Variants in GCNT1 observed in about 807,000 individuals in gnomAD.
GCNT1 encodes the protein glucosaminyl (N-acetyl) transferase 1.
In GCNT1, 16 loss-of-function variants were observed where a neutral mutation model predicts 26.2. The observed-to-expected ratio is 0.61, with a 90% CI of 0.41 to 0.93. The LOEUF (loss-of-function observed/expected upper bound fraction) is 0.93. GCNT1 is among the 40% of genes least tolerant of loss of function. The pLI, the probability that GCNT1 is intolerant of heterozygous loss-of-function variation, is 0.00. For synonymous variants in GCNT1, 183 were observed against 190.8 expected, an observed-to-expected ratio of 0.96 and a Z score of 0.34; for missense variants, 477 against 526.7, an observed-to-expected ratio of 0.91 and a Z score of 0.92.
chr9:76,471,832 C>G (rs891697776), intron 2 of GCNT1, among the ~76,000 whole-genome samples: 2 of 152,034 alleles, frequency 1.3e-5, no homozygotes, highest in African/African-American at 4.8e-5. Context: ...TATTTTGGGT[C>G]AAAATAAGAT....
intron 1 of GCNT1, among the ~76,000 whole-genome samples, chr9:76,450,948 T>A (rs1471248715): frequency 6.6e-6 from 1 of 152,208 alleles, no homozygotes; most frequent in African/African-American, 2.4e-5. Context: ...TTAAAAGGGA[T>A]CAACCTGTTT....
chr9:76,421,623 C>A (rs113463112), intron 1 of GCNT1, among the ~76,000 whole-genome samples: 5,916 of 80,006 alleles, frequency 0.074, 211 homozygotes, highest in Non-Finnish European at 0.091. Flanking sequence ...AAAAAAAAAA[C>A]CACAACAAAA....
chr9:76,464,191 A>G (rs112881651), intron 2 of GCNT1, among the ~76,000 whole-genome samples: 2 of 152,198 alleles, frequency 1.3e-5, no homozygotes, highest in African/African-American at 4.8e-5. Flanking sequence ...TTGGACTTTA[A>G]TGTCAGCATA....
chr9:76,484,365 G>A (rs563139346), intron 2 of GCNT1, among the ~76,000 whole-genome samples: 1 of 146,194 alleles, frequency 6.8e-6, no homozygotes, highest in South Asian at 2.1e-4. Flanking sequence ...TTGAGACCCT[G>A]TCTTAAAAAA....
In GCNT1 at chr9:76,507,167, CAA is replaced by C. The variant is rs993550892; in HGVS notation, c.*3500_*3501del. 1.7e-4 allele frequency: 29 copies of C among 166,950 alleles called. 1 individual carries two copies. The highest frequency in any genetic ancestry group is 1.7e-4 in the African/African-American group (7 of 41,426). 10.3% of individuals were successfully genotyped at this position (166,950 alleles called of 1,614,324 possible). The stretch of plus-strand genomic sequence containing the variant: ...TGAATACTGTTGTGAAAGTGAAAAA[CAA>C]TGATTGTATGGGTACTCAAAGTATA... On this transcript the variant is annotated 3_prime_UTR_variant, in exon 4 of 4. Coordinates refer to ENST00000376730, the MANE Select transcript of GCNT1 (RefSeq NM_001490.5).
intron 2 of GCNT1, among the ~76,000 whole-genome samples, chr9:76,497,165 G>T (rs947689612): frequency 6.6e-6 from 1 of 152,218 alleles, no homozygotes; most frequent in Non-Finnish European, 1.5e-5. Context: ...GGGCAGAGCA[G>T]TATTAACTAC....
At chr9:76,397,162 A>ATCCCAGC in the GCNT1 span, among the ~76,000 whole-genome samples, 1 of 152,148 alleles carries the variant, frequency 6.6e-6, no homozygotes, top group Non-Finnish European at 1.5e-5. Context: ...AATGCCAGTA[A>ATCCCAGC]TCCCAGCTAC....
chr9:76,505,542 T>C lies in GCNT1; in HGVS notation c.*1874T>C, dbSNP rs573517736. On this transcript the variant is annotated 3_prime_UTR_variant, in exon 4 of 4. Coordinates refer to ENST00000376730, the MANE Select transcript of GCNT1 (RefSeq NM_001490.5). ...TATAAGACAGGGCACCTTTTAACTCTAAAACTAGTGATACTCAGTGACATA... is the reference window on the plus strand; with the variant it reads ...TATAAGACAGGGCACCTTTTAACTCCAAAACTAGTGATACTCAGTGACATA... 6.0e-6 allele frequency: 1 copy of C among 166,802 alleles called. No homozygotes were observed. Among genetic ancestry groups the C allele is most frequent in the African/African-American group, 2.4e-5 (1 of 41,588 alleles). 10.3% of individuals were successfully genotyped at this position (166,802 alleles called of 1,614,324 possible).
Position 76,505,292 on chromosome 9 carries a change from C to A in GCNT1, c.*1624C>A, listed in dbSNP as rs569357218. Reference sequence around the variant, plus strand: ...TCTTATTGAGAGATATGTTTTTAAACTTTTATCATCATTTGTAAATGTGGA... The same window carrying A: ...TCTTATTGAGAGATATGTTTTTAAAATTTTATCATCATTTGTAAATGTGGA... On this transcript the variant is annotated 3_prime_UTR_variant, in exon 4 of 4. Transcript: ENST00000376730. The A allele has an allele frequency of 2.3e-4, 46 of 195,764 alleles. No individual in the cohort carries two copies. The highest frequency in any genetic ancestry group is 6.8e-4 in the Admixed American group (11 of 16,090). The allele number at this position is 195,764 out of a possible 1,614,324, so 12.1% of individuals were successfully genotyped here.
At chr9:76,417,271 C>A (rs1038784895), upstream of GCNT1, among the ~76,000 whole-genome samples, 1 of 152,126 alleles carries the variant, frequency 6.6e-6, no homozygotes, top group Non-Finnish European at 1.5e-5. Flanking sequence ...ATGCCATCTC[C>A]GCAGTAAATG....
Position 76,504,873 on chromosome 9 carries a change from T to C in GCNT1, c.*1205T>C, listed in dbSNP as rs966541007. 2 of 413,262 alleles carry C rather than the reference T, an allele frequency of 4.8e-6. No individual in the cohort carries two copies. Among genetic ancestry groups the C allele is most frequent in the African/African-American group, 4.1e-5 (2 of 48,618 alleles). The allele number at this position is 413,262 out of a possible 1,614,324, so 25.6% of individuals were successfully genotyped here. A position where few individuals can be genotyped will look rare whatever the true frequency, so the allele number is the denominator to read the frequency against. On this transcript the variant is annotated 3_prime_UTR_variant, in exon 4 of 4. Transcript: ENST00000376730. ...AAGTGTGCAGTCATTCCACATGGCC[T>C]GTTGGAAGGCCTGGGGAGGGAACTT...
chr9:76,412,464 T>A, the GCNT1 span, among the ~76,000 whole-genome samples: 1 of 152,208 alleles, frequency 6.6e-6, no homozygotes, highest in African/African-American at 2.4e-5. Context: ...AGCAACAAAT[T>A]TCCTTAGTGT....
chr9:76,480,819 T>C (rs1048167032), intron 2 of GCNT1, among the ~76,000 whole-genome samples: 1 of 152,216 alleles, frequency 6.6e-6, no homozygotes, highest in African/African-American at 2.4e-5. Context: ...TTTTCTTCTG[T>C]ATGTAAACTA....
intron 2 of GCNT1, among the ~76,000 whole-genome samples, chr9:76,483,969 C>G (rs1163564726): frequency 1.3e-5 from 2 of 152,136 alleles, no homozygotes; most frequent in Non-Finnish European, 2.9e-5. Flanking sequence ...TGTGTGCCAC[C>G]ATGCCTGGCC....
Position 76,506,844 on chromosome 9 carries a change from C to T in GCNT1, c.*3176C>T, listed in dbSNP as rs1825251455. The stretch of plus-strand genomic sequence containing the variant: ...ATTTGGGTAGGAAGAGGCCATGTTT[C>T]AGTTCGTTTTCTCTGTAGGGTCGAT... On this transcript the variant is annotated 3_prime_UTR_variant, in exon 4 of 4. Transcript: ENST00000376730. The T allele has an allele frequency of 6.0e-6, 1 of 166,958 alleles. No homozygotes were observed. The highest frequency in any genetic ancestry group is 2.4e-5 in the African/African-American group (1 of 41,430). The allele number at this position is 166,958 out of a possible 1,614,324, so 10.3% of individuals were successfully genotyped here. A position where few individuals can be genotyped will look rare whatever the true frequency, so the allele number is the denominator to read the frequency against.
intron 2 of GCNT1, among the ~76,000 whole-genome samples, chr9:76,496,013 C>T (rs1158008688): frequency 6.6e-6 from 1 of 152,158 alleles, no homozygotes; most frequent in African/African-American, 2.4e-5. Context: ...TTTCTCTTGG[C>T]ATGCTTGGAT....
chr9:76,459,103 C>G (rs1823813844), upstream of GCNT1: 2 of 152,346 alleles, frequency 1.3e-5, no homozygotes, highest in African/African-American at 4.8e-5. Flanking sequence ...GCCCCGAGCT[C>G]GCGCAGGTGG....
chr9:76,482,972 TTAATC>T (rs1474658635), intron 2 of GCNT1, among the ~76,000 whole-genome samples: 18 of 151,934 alleles, frequency 1.2e-4, no homozygotes, highest in African/African-American at 3.1e-4. Context: ...TATATTATCT[TTAATC>T]TAGTATATCA....
At chr9:76,493,762 T>G (rs970710654) in intron 2 of GCNT1, among the ~76,000 whole-genome samples, 3 of 152,170 alleles carry the variant, frequency 2.0e-5, no homozygotes, top group African/African-American at 7.2e-5. Flanking sequence ...TGCATAGTTG[T>G]GGATTCTCCT....
Sources: allele counts gnomAD v4.1 joint callset (sites outside exome capture counted in the v4.1 genomes callset), GRCh38; gene constraint gnomAD v4.1.1; transcripts MANE v1.5; gene names NCBI Gene and HGNC (gene_info 2026-07-23, HGNC 2026-07-21).